The following CSMD1 variants were observed in gnomAD, a reference collection of about 807,000 sequenced individuals.
CSMD1 encodes CUB and sushi domain-containing protein 1.
In CSMD1, 213 loss-of-function variants were observed where a neutral mutation model predicts 417.5. The observed-to-expected ratio is 0.51, with a 90% CI of 0.46 to 0.57. The LOEUF (loss-of-function observed/expected upper bound fraction) is 0.57, where lower values mean the gene tolerates loss of function less well. Ranked by LOEUF, CSMD1 falls within the 20% of genes least tolerant of loss-of-function variation. The pLI is 0.00. For synonymous variants in CSMD1, 2,862 were observed against 1,736.8 expected, an observed-to-expected ratio of 1.65 and a Z score of -16.11; for missense variants, 6,923 against 4,529.7, an observed-to-expected ratio of 1.53 and a Z score of -15.17.
chr8:3,572,310 A>C (rs943444753), intron 10 of CSMD1, among the ~76,000 whole-genome samples: 1 of 152,160 alleles, frequency 6.6e-6, no homozygotes, highest in East Asian at 1.9e-4. Context: ...CAGGAGCTTC[A>C]GGGAGCAGTT....
intron 3 of CSMD1, among the ~76,000 whole-genome samples, chr8:4,212,422 G>A (rs985133615): frequency 1.1e-4 from 16 of 152,094 alleles, no homozygotes; most frequent in East Asian, 3.9e-4. Context: ...TGACATTAAC[G>A]TCCCAGGTAG....
At chr8:3,408,648 G>A (rs561632514) in intron 13 of CSMD1, among the ~76,000 whole-genome samples, 1 of 151,948 alleles carries the variant, frequency 6.6e-6, no homozygotes, top group East Asian at 1.9e-4. Context: ...TCCTGTGAGT[G>A]CATTTTCTCC....
chr8:4,098,308 T>G (rs748340741), intron 3 of CSMD1, among the ~76,000 whole-genome samples: 7 of 152,146 alleles, frequency 4.6e-5, no homozygotes, highest in Admixed American at 1.3e-4. Context: ...AACAAGAACT[T>G]CATAAAGTAT....
chr8:3,185,600 C>G (rs566048060), intron 36 of CSMD1, among the ~76,000 whole-genome samples: 2 of 152,300 alleles, frequency 1.3e-5, no homozygotes, highest in African/African-American at 4.8e-5. Context: ...TATTACACAT[C>G]TGAAGCTAAG....
intron 50 of CSMD1, among the ~76,000 whole-genome samples, chr8:3,030,189 T>G (rs1051136547): frequency 2.0e-5 from 3 of 152,058 alleles, no homozygotes; most frequent in African/African-American, 7.2e-5. Flanking sequence ...TAGTATACTA[T>G]TACCAGGGTG....
chr8:3,998,611 C>T (rs1185938637), intron 4 of CSMD1, among the ~76,000 whole-genome samples: 3 of 151,976 alleles, frequency 2.0e-5, no homozygotes, highest in Non-Finnish European at 4.4e-5. Context: ...TATTGAGTAA[C>T]ATAAAAGAGG....
chr8:4,086,198 A>G (rs896327104), intron 3 of CSMD1, among the ~76,000 whole-genome samples: 1 of 152,224 alleles, frequency 6.6e-6, no homozygotes, highest in African/African-American at 2.4e-5. Context: ...AAAACCTTAC[A>G]GCTACAAAGT....
At chr8:4,478,227 A>C (rs1015395626) in intron 2 of CSMD1, among the ~76,000 whole-genome samples, 27 of 152,276 alleles carry the variant, frequency 1.8e-4, no homozygotes, top group Admixed American at 9.8e-4. Context: ...TCATGTTAAT[A>C]CTGAAAAGCT....
intron 2 of CSMD1, among the ~76,000 whole-genome samples, chr8:4,466,833 A>G (rs1800201384): frequency 1.3e-5 from 2 of 152,160 alleles, no homozygotes; most frequent in South Asian, 2.1e-4. Flanking sequence ...AAATTCAGAG[A>G]GCAGGGGAAA....
intron 7 of CSMD1, among the ~76,000 whole-genome samples, chr8:3,675,789 A>C (rs1165017237): frequency 1.3e-5 from 2 of 152,162 alleles, no homozygotes; most frequent in African/African-American, 2.4e-5. Context: ...TAAGCTGCCC[A>C]GTCTATGATA....
intron 2 of CSMD1, among the ~76,000 whole-genome samples, chr8:4,516,917 A>G (rs1483936100): frequency 1.3e-5 from 2 of 152,108 alleles, no homozygotes; most frequent in East Asian, 1.9e-4. Context: ...AAGAATATGA[A>G]TCTCATGACT....
chr8:3,753,420 A>G (rs4875255), intron 6 of CSMD1, among the ~76,000 whole-genome samples: 50,645 of 152,078 alleles, frequency 0.33, 8,692 homozygotes, highest in Admixed American at 0.37. Flanking sequence ...CCTAATGACT[A>G]CAGACTCCCC....
At chr8:3,698,965 A>C (rs1210902826) in intron 7 of CSMD1, among the ~76,000 whole-genome samples, 1 of 152,198 alleles carries the variant, frequency 6.6e-6, no homozygotes, top group Non-Finnish European at 1.5e-5. Context: ...ATCCAGGCTG[A>C]TGAAGGTCCT....
chr8:4,412,919 A>T (rs1484804022), intron 3 of CSMD1, among the ~76,000 whole-genome samples: 1 of 152,010 alleles, frequency 6.6e-6, no homozygotes, highest in Non-Finnish European at 1.5e-5. Context: ...AATCAGATAA[A>T]AGAAAAGTTG....
chr8:3,614,863 G>A (rs979840934), intron 8 of CSMD1, among the ~76,000 whole-genome samples: 1 of 152,176 alleles, frequency 6.6e-6, no homozygotes, highest in African/African-American at 2.4e-5. Context: ...AGCACATCGT[G>A]ATGATGCACT....
At chr8:3,947,216 C>G (rs1392875863) in intron 5 of CSMD1, among the ~76,000 whole-genome samples, 4 of 152,184 alleles carry the variant, frequency 2.6e-5, no homozygotes, top group African/African-American at 9.6e-5. Context: ...TCCTAGTCAG[C>G]TGAAAAGCTG....
At chr8:3,461,487 C>T (rs77822102) in intron 12 of CSMD1, among the ~76,000 whole-genome samples, 1 of 152,172 alleles carries the variant, frequency 6.6e-6, no homozygotes, top group Non-Finnish European at 1.5e-5. Flanking sequence ...GCTGTCTCAC[C>T]TCCACCCCAG....
chr8:4,955,232 T>C (rs536617701), intron 1 of CSMD1, among the ~76,000 whole-genome samples: 1 of 152,180 alleles, frequency 6.6e-6, no homozygotes, highest in African/African-American at 2.4e-5. Flanking sequence ...TTCAGAAATG[T>C]TGCAATGCAT....
At chr8:4,485,219 C>T (rs185119130) in intron 2 of CSMD1, among the ~76,000 whole-genome samples, 15 of 152,212 alleles carry the variant, frequency 9.9e-5, no homozygotes, top group Non-Finnish European at 2.1e-4. Flanking sequence ...TAGGATCCTA[C>T]TTTTCATCCC....
Sources: allele counts gnomAD v4.1 joint callset (sites outside exome capture counted in the v4.1 genomes callset), GRCh38; gene constraint gnomAD v4.1.1; transcripts MANE v1.5; gene names NCBI Gene and HGNC (gene_info 2026-07-23, HGNC 2026-07-21).